Variants in GABRA4 observed in about 807,000 individuals in gnomAD.
GABRA4 encodes the protein gamma-aminobutyric acid type A receptor subunit alpha4.
A neutral mutation model predicts 49.7 loss-of-function variants in GABRA4; 12 were observed. The ratio of observed to expected loss-of-function variants is 0.24; its 90% CI spans 0.15 to 0.39. GABRA4 has a LOEUF of 0.39. Among genes scored for constraint, GABRA4 ranks in the 10% least tolerant of loss-of-function variants. GABRA4 has a pLI of 1.00. For missense variants in GABRA4, 506 were observed against 686.0 expected (o/e 0.74, Z 2.93); for synonymous variants, 288 against 240.2 (o/e 1.20, Z -1.84).
chr4:46,931,547 C>A (rs966587483), intron 8 of GABRA4, among the ~76,000 whole-genome samples: 1 of 152,070 alleles, frequency 6.6e-6, no homozygotes, highest in African/African-American at 2.4e-5. Flanking sequence ...CTTTATATTC[C>A]TGCCTCCATA....
chr4:46,983,441 C>T (rs996142896), intron 2 of GABRA4, among the ~76,000 whole-genome samples: 17 of 152,074 alleles, frequency 1.1e-4, no homozygotes, highest in Admixed American at 2.6e-4. Context: ...ACATATTAGG[C>T]GTTGAATAAC....
chr4:46,954,768 T>C (rs1577765639), intron 8 of GABRA4, among the ~76,000 whole-genome samples: 5 of 152,242 alleles, frequency 3.3e-5, no homozygotes, highest in Admixed American at 3.3e-4. Flanking sequence ...ACAAAATCCC[T>C]TAATGCCTGC....
chr4:46,923,988 C>A lies in GABRA4; in HGVS notation c.*4237G>T, dbSNP rs1721124569. ...TCAGGTGCTGATAAAATTGCGCTTT[C>A]ATTTTTTTGTTTGTTTGTGGAAGTG... On this transcript the variant is annotated 3_prime_UTR_variant, in exon 9 of 9. Coordinates refer to ENST00000264318, the MANE Select transcript of GABRA4 (RefSeq NM_000809.4). 1 of 152,074 alleles carries A rather than the reference C, an allele frequency of 6.6e-6. No individual in the cohort carries two copies. The highest frequency in any genetic ancestry group is 2.4e-5 in the African/African-American group (1 of 41,414). The allele number at this position is 152,074 out of a possible 1,614,324, so 9.4% of individuals were successfully genotyped here.
At position 46,927,994 on chromosome 4, in the gene GABRA4, TTCTA is replaced by T. The variant is rs1292058340; in HGVS notation, c.*227_*230del. 2.5e-6 allele frequency: 1 copy of T among 399,326 alleles called. No individual in the cohort carries two copies. Among genetic ancestry groups the T allele is most frequent in the Admixed American group, 4.2e-5 (1 of 24,034 alleles). The allele number at this position is 399,326 out of a possible 1,614,324, so 24.7% of individuals were successfully genotyped here. Reference sequence around the variant, plus strand: ...TCCCAACTTTCCAGGATGGTGTGTATTCTATCTAACTGAATGCTGAGTTCTTTTA... The same window carrying T: ...TCCCAACTTTCCAGGATGGTGTGTATTCTAACTGAATGCTGAGTTCTTTTA... On this transcript the variant is annotated 3_prime_UTR_variant, in exon 9 of 9. Coordinates refer to ENST00000264318, the MANE Select transcript of GABRA4 (RefSeq NM_000809.4).
intron 1 of GABRA4, 54 bp downstream of exon 1, chr4:46,993,285 C>T (rs887290083): frequency 8.1e-6 from 12 of 1,478,548 alleles, no homozygotes; most frequent in Non-Finnish European, 1.1e-5. Flanking sequence ...GGTCCCGGAG[C>T]TAGCCATTTC....
intron 8 of GABRA4, among the ~76,000 whole-genome samples, chr4:46,938,034 C>T (rs1278585122): frequency 1.3e-5 from 2 of 151,932 alleles, no homozygotes; most frequent in Non-Finnish European, 2.9e-5. Flanking sequence ...ATGTAATTAA[C>T]AATATAATTT....
chr4:46,960,992 A>T (rs1453275311), intron 8 of GABRA4, among the ~76,000 whole-genome samples: 4 of 151,906 alleles, frequency 2.6e-5, no homozygotes, highest in African/African-American at 9.7e-5. Flanking sequence ...AAAGCAAAAT[A>T]AAACAACAAG....
chr4:46,986,369 T>TA (rs958646662), intron 2 of GABRA4, among the ~76,000 whole-genome samples: 35 of 152,164 alleles, frequency 2.3e-4, no homozygotes, highest in Admixed American at 7.9e-4. Context: ...GTTCTTATCT[T>TA]ACTTCATCTG....
rs1353197521 is a variant in GABRA4, at chr4:46,927,408, C to T, written c.*817G>A. ...CCTCTGCTAGTTTATGGTTCTTTGG[C>T]ATGCATTGACTGTTCTACTTTTTAA... On this transcript the variant is annotated 3_prime_UTR_variant, in exon 9 of 9. Coordinates refer to ENST00000264318, the MANE Select transcript of GABRA4 (RefSeq NM_000809.4). 1 of 152,476 alleles carries T rather than the reference C, an allele frequency of 6.6e-6. No homozygotes were observed. Among genetic ancestry groups the T allele is most frequent in the Non-Finnish European group, 1.5e-5 (1 of 67,982 alleles). 9.4% of individuals were successfully genotyped at this position (152,476 alleles called of 1,614,324 possible).
chr4:46,974,616 A>G (rs1249829603), intron 5 of GABRA4, among the ~76,000 whole-genome samples: 1 of 151,948 alleles, frequency 6.6e-6, no homozygotes, highest in African/African-American at 2.4e-5. Flanking sequence ...TGCCAAATAA[A>G]GGAGGAGGAG....
At chr4:46,941,658 A>G (rs958189206) in intron 8 of GABRA4, among the ~76,000 whole-genome samples, 20 of 152,148 alleles carry the variant, frequency 1.3e-4, no homozygotes, top group African/African-American at 4.3e-4. Context: ...ATAATAGTGT[A>G]ACTTTCCACT....
intron 7 of GABRA4, among the ~76,000 whole-genome samples, chr4:46,967,035 T>G (rs1301129118): frequency 6.6e-6 from 1 of 151,674 alleles, no homozygotes; most frequent in Admixed American, 6.6e-5. Context: ...GATATATGAA[T>G]AAACAATAAA....
At chr4:46,964,306 A>G (rs1392448469) in intron 8 of GABRA4, among the ~76,000 whole-genome samples, 1 of 151,784 alleles carries the variant, frequency 6.6e-6, no homozygotes, top group Non-Finnish European at 1.5e-5. Context: ...GGGGATGATT[A>G]ATGGGTACAA....
At chr4:46,948,663 C>G (rs1463087506) in intron 8 of GABRA4, among the ~76,000 whole-genome samples, 7 of 152,092 alleles carry the variant, frequency 4.6e-5, no homozygotes, top group African/African-American at 1.7e-4. Context: ...GGTTCTACCC[C>G]AAATGTAACA....
At chr4:46,964,849 G>T in intron 8 of GABRA4, 121 bp downstream of exon 8, 1 of 1,081,050 alleles carries the variant, frequency 9.3e-7, no homozygotes, top group Non-Finnish European at 1.3e-6. Flanking sequence ...ATGTTTTTCT[G>T]TATTTTTAAA....
chr4:46,923,671 C>T lies in GABRA4; in HGVS notation c.*4554G>A. The T allele has an allele frequency of 6.6e-6, 1 of 151,926 alleles. No individual in the cohort carries two copies. The highest frequency in any genetic ancestry group is 1.9e-4 in the East Asian group (1 of 5,180). 9.4% of individuals were successfully genotyped at this position (151,926 alleles called of 1,614,324 possible). ...GTTCCACTACCTCTAGATTTGTGGC[C>T]CTCCAAACCATAGTTCACACAATAA... On this transcript the variant is annotated 3_prime_UTR_variant, in exon 9 of 9. Transcript: ENST00000264318.
At chr4:46,962,303 G>A (rs1056570762) in intron 8 of GABRA4, among the ~76,000 whole-genome samples, 1 of 151,602 alleles carries the variant, frequency 6.6e-6, no homozygotes, top group African/African-American at 2.4e-5. Context: ...TAGCATTTTT[G>A]TATGTCAATA....
intron 8 of GABRA4, among the ~76,000 whole-genome samples, chr4:46,939,837 G>T (rs1442479452): frequency 6.6e-6 from 1 of 151,726 alleles, no homozygotes; most frequent in Non-Finnish European, 1.5e-5. Flanking sequence ...ATTGTTCTAG[G>T]TTCTTACTGA....
intron 8 of GABRA4, among the ~76,000 whole-genome samples, chr4:46,954,493 G>T (rs201841476): frequency 6.6e-6 from 1 of 150,782 alleles, no homozygotes; most frequent in Non-Finnish European, 1.5e-5. Context: ...GGAGGTGGAG[G>T]TTGCAATGAG....
Sources: allele counts gnomAD v4.1 joint callset (sites outside exome capture counted in the v4.1 genomes callset), GRCh38; gene constraint gnomAD v4.1.1; transcripts MANE v1.5; gene names NCBI Gene and HGNC (gene_info 2026-07-23, HGNC 2026-07-21).